SMC5: variants seen among roughly 807,000 people sequenced by gnomAD.
SMC5 encodes structural maintenance of chromosomes protein 5.
A neutral mutation model predicts 148.3 loss-of-function variants in SMC5; 88 were observed. The observed-to-expected ratio is 0.59, with a 90% CI of 0.50 to 0.71. The LOEUF (loss-of-function observed/expected upper bound fraction) is 0.71. SMC5 is among the 30% of genes least tolerant of loss of function. SMC5 has a pLI of 0.00. For missense variants in SMC5, 1,142 were observed against 1,298.9 expected, an observed-to-expected ratio of 0.88 and a Z score of 1.86; for synonymous variants, 421 against 432.8, an observed-to-expected ratio of 0.97 and a Z score of 0.34.
chr9:70,337,689 C>G (rs972328136), intron 17 of SMC5, among the ~76,000 whole-genome samples: 4 of 152,000 alleles, frequency 2.6e-5, no homozygotes, highest in Non-Finnish European at 5.9e-5. Flanking sequence ...CTCCTGACAT[C>G]AAATGATCCA....
chr9:70,275,834 T>G (rs958009922), intron 3 of SMC5, among the ~76,000 whole-genome samples: 4 of 152,190 alleles, frequency 2.6e-5, no homozygotes, highest in Admixed American at 6.5e-5. Flanking sequence ...AAAGTTCTTT[T>G]TTATTATCTC....
chr9:70,310,872 C>T (rs1299659654), intron 11 of SMC5: 3 of 152,268 alleles, frequency 2.0e-5, no homozygotes, highest in African/African-American at 4.8e-5. Context: ...TTCCCTTAAA[C>T]ATGATGAACC....
intron 13 of SMC5, among the ~76,000 whole-genome samples, chr9:70,317,935 A>G (rs1239943160): frequency 6.6e-6 from 1 of 152,186 alleles, no homozygotes; most frequent in Non-Finnish European, 1.5e-5. Context: ...CCAAGATAAC[A>G]GTTCAATGTG....
chr9:70,338,048 T>C (rs1564068753), intron 17 of SMC5, among the ~76,000 whole-genome samples: 1 of 152,100 alleles, frequency 6.6e-6, no homozygotes, highest in Non-Finnish European at 1.5e-5. Flanking sequence ...GGGTTCTTAC[T>C]CTCTCACCCA....
At chr9:70,341,512 T>A (rs1442762170) in intron 17 of SMC5, among the ~76,000 whole-genome samples, 1 of 152,228 alleles carries the variant, frequency 6.6e-6, no homozygotes, top group African/African-American at 2.4e-5. Context: ...TCTCAAGCTA[T>A]AGGGACTGAG....
chr9:70,309,318 CTTTTTTTTTTTTTT>C (rs59694037), intron 11 of SMC5, among the ~76,000 whole-genome samples: 443 of 79,188 alleles, frequency 5.6e-3, no homozygotes, highest in Middle Eastern at 0.012. Context: ...TTTCCTTTTC[CTTTTTTTTTTTTTT>C]TTTTTTTTTT....
intron 18 of SMC5, 125 bp from the exon 19 acceptor site, chr9:70,346,480 T>C: frequency 1.1e-6 from 1 of 947,676 alleles, no homozygotes; most frequent in Non-Finnish European, 1.7e-6. Context: ...TGTGGTGAAA[T>C]TCAACTGTCA....
At chr9:70,284,951 A>T (rs1180122) in intron 7 of SMC5, among the ~76,000 whole-genome samples, 32,697 of 151,870 alleles carry the variant, frequency 0.22, 3,658 homozygotes, top group South Asian at 0.28. Context: ...AGCTTTTGAG[A>T]CACACAGACC....
intron 16 of SMC5, among the ~76,000 whole-genome samples, 176 bp downstream of exon 16, chr9:70,323,782 G>C (rs190905959): frequency 6.6e-6 from 1 of 152,030 alleles, no homozygotes; most frequent in Admixed American, 6.6e-5. Context: ...TTTCTTTAGA[G>C]GTAATAAATA....
At chr9:70,278,036 A>G (rs1159716727) in intron 4 of SMC5, among the ~76,000 whole-genome samples, 1 of 152,144 alleles carries the variant, frequency 6.6e-6, no homozygotes, top group Non-Finnish European at 1.5e-5. Context: ...TGATTTCATA[A>G]TGAGCAAATT....
At chr9:70,298,407 T>C (rs1448025559) in intron 9 of SMC5, among the ~76,000 whole-genome samples, 186 bp downstream of exon 9, 1 of 152,166 alleles carries the variant, frequency 6.6e-6, no homozygotes, top group Non-Finnish European at 1.5e-5. Context: ...AATTTGCCAT[T>C]ATAGCTGACC....
At chr9:70,306,436 G>C (rs1022890462) in intron 11 of SMC5, among the ~76,000 whole-genome samples, 6 of 152,156 alleles carry the variant, frequency 3.9e-5, no homozygotes, top group African/African-American at 1.4e-4. Context: ...GGATAAAAAG[G>C]TTGGATGTAT....
chr9:70,289,322 G>A (rs965392206), intron 8 of SMC5, among the ~76,000 whole-genome samples: 1 of 152,168 alleles, frequency 6.6e-6, no homozygotes, highest in African/African-American at 2.4e-5. Context: ...ACAAGTGTGA[G>A]CTACCGCACC....
At chr9:70,277,609 C>T (rs972228456) in intron 4 of SMC5, 137 bp downstream of exon 4, 4 of 619,560 alleles carry the variant, frequency 6.5e-6, no homozygotes, top group Non-Finnish European at 9.7e-6. Context: ...GGTAGCATTT[C>T]ATCACTTAGA....
chr9:70,279,851 T>C (rs910565958), intron 5 of SMC5, among the ~76,000 whole-genome samples: 6 of 151,872 alleles, frequency 4.0e-5, no homozygotes, highest in Admixed American at 3.3e-4. Flanking sequence ...AAATCTGTTT[T>C]TCATTTTAGG....
At position 70,299,664 on chromosome 9, in the gene SMC5, C is replaced by G. The variant is rs530554034; in HGVS notation, c.1310-382C>G. 3.3e-5 allele frequency among the ~76,000 whole-genome samples: 5 copies of G among 152,004 alleles called. No homozygotes were observed. In the East Asian group the frequency reaches 5.8e-4, roughly 18 times the overall value. On this transcript the variant is annotated intron_variant, in intron 9 of 24. Transcript: ENST00000361138. ...AATATTCTTATTTCATCATCCCCCC[C>G]CCTTTTTTAGTTTTGTTGTATATAC...
At chr9:70,260,471 C>CT (rs1048169468) in intron 1 of SMC5, among the ~76,000 whole-genome samples, 4 of 151,330 alleles carry the variant, frequency 2.6e-5, no homozygotes, top group Admixed American at 6.6e-5. Flanking sequence ...ACAATACTAC[C>CT]TTTTTTTTTC....
At chr9:70,265,789 G>A (rs558204978) in intron 2 of SMC5, among the ~76,000 whole-genome samples, 1 of 152,294 alleles carries the variant, frequency 6.6e-6, no homozygotes, top group African/African-American at 2.4e-5. Context: ...ATTAAACACT[G>A]ACGAAAGTTT....
At chr9:70,302,515 A>T (rs557772722) in intron 10 of SMC5, among the ~76,000 whole-genome samples, 1 of 151,162 alleles carries the variant, frequency 6.6e-6, no homozygotes, top group Non-Finnish European at 1.5e-5. Context: ...ATATATATAT[A>T]TATAAATTAG....
Sources: gnomAD v4.1 joint callset for allele counts (sites outside exome capture counted in the v4.1 genomes callset) on GRCh38, gnomAD v4.1.1 for gene constraint, MANE v1.5 for transcripts, NCBI Gene and HGNC (gene_info 2026-07-23, HGNC 2026-07-21) for gene names.